The following OR6P1 variants were observed in gnomAD, a reference collection of about 807,000 sequenced individuals.
OR6P1 encodes the protein olfactory receptor 6P1.
A neutral mutation model predicts 6.6 loss-of-function variants in OR6P1; 5 were observed. That is an observed-to-expected ratio of 0.76 (90% CI 0.40 to 1.60). OR6P1 has a LOEUF of 1.60. OR6P1 is among the 40% of genes most tolerant of loss of function. OR6P1 has a pLI of 0.02. For missense variants in OR6P1, 451 were observed against 383.0 expected, an observed-to-expected ratio of 1.18 and a Z score of -1.48; for synonymous variants, 177 against 149.6, an observed-to-expected ratio of 1.18 and a Z score of -1.33.
intron 2 of OR6P1, 53 bp from the exon 3 acceptor site, chr1:158,563,679 C>A: frequency 2.3e-6 from 2 of 859,990 alleles, no homozygotes; most frequent in Non-Finnish European, 3.7e-6. Context: ...TGCAACAAAC[C>A]ACCAACATAC....
chr1:158,563,648 A>G, intron 2 of OR6P1, 22 bp from the exon 3 acceptor site: 1 of 1,301,838 alleles, frequency 7.7e-7, no homozygotes, highest in Non-Finnish European at 1.1e-6. Flanking sequence ...CACAGGAAGA[A>G]CAAGAGGTTT....
At position 158,562,270 on chromosome 1, in the gene OR6P1, C is replaced by CTT. The variant is rs1647971032; in HGVS notation, c.*379_*380dup. 6.1e-6 allele frequency: 1 copy of CTT among 163,754 alleles called. No homozygotes were observed. The highest frequency in any genetic ancestry group is 1.3e-5 in the Non-Finnish European group (1 of 76,610). 10.1% of individuals were successfully genotyped at this position (163,754 alleles called of 1,614,324 possible). On this transcript the variant is annotated 3_prime_UTR_variant, in exon 3 of 3. Coordinates refer to ENST00000641540, the MANE Select transcript of OR6P1 (RefSeq NM_001160325.2). ...TGTTTTCTCATATTATATTTTCTCA[C>CTT]TTACGAAATAATGGGCTTGGTCTAG... is the stretch of plus-strand genomic sequence containing the variant.
intron 2 of OR6P1, among the ~76,000 whole-genome samples, chr1:158,564,180 A>G (rs965349616): frequency 4.6e-5 from 7 of 152,214 alleles, no homozygotes; most frequent in African/African-American, 1.4e-4. Flanking sequence ...GAGATAATGA[A>G]GTTCTGCTCC....
Position 158,567,324 on chromosome 1 carries a change from G to T in OR6P1, c.-117-466C>A, listed in dbSNP as rs1452905223. On this transcript the variant is annotated intron_variant, in intron 1 of 2. Coordinates refer to ENST00000641540, the MANE Select transcript of OR6P1 (RefSeq NM_001160325.2). ...TACCCAAAGGACTATAAATCATGCT[G>T]CTATAAAGACACATGCACACGTGTG... is the stretch of plus-strand genomic sequence containing the variant. Among the ~76,000 whole-genome samples, 15 of 151,740 alleles carry T rather than the reference G, an allele frequency of 9.9e-5. No individual in the cohort carries two copies. The East Asian group carries it at 2.9e-3, about 29-fold the overall frequency.
chr1:158,563,450 G>T lies in OR6P1; in HGVS notation c.155C>A (p.Ala52Asp), dbSNP rs1648015348. 3.9e-6 allele frequency: 6 copies of T among 1,551,228 alleles called. No homozygotes were observed. Among genetic ancestry groups the T allele is most frequent in the Non-Finnish European group, 5.2e-6 (6 of 1,146,736 alleles). ...NALIVFTIWLAPSLHRPMYFF... is the reference protein window; with the variant it reads ...NALIVFTIWLDPSLHRPMYFF... ...GTACATGGGACGATGAAGGCTTGGA[G>T]CAAGCCATATTGTGAAGACAATAAG... is the stretch of plus-strand genomic sequence containing the variant. The change falls in exon 3 of 3, where the codon GCT becomes GAT. Residue 52 changes from alanine (A) to aspartate (D), a missense_variant. Ala to Asp is a moderately radical substitution (Grantham distance 126). Coordinates refer to ENST00000641540, the MANE Select transcript of OR6P1 (RefSeq NM_001160325.2).
At chr1:158,569,879 C>T (rs1043122187) in intron 1 of OR6P1, among the ~76,000 whole-genome samples, 5 of 152,058 alleles carry the variant, frequency 3.3e-5, no homozygotes, top group African/African-American at 1.2e-4. Flanking sequence ...AGTAAATGTC[C>T]ATGGTTATAG....
rs769823573 is a variant in OR6P1 at position 158,562,653 on chromosome 1, A to T, written c.952T>A (p.Ter318ArgextTer29). The stretch of plus-strand genomic sequence containing the variant: ...CCTCTCCCAAGACCTGTTGTATATC[A>T]GTCCTGAACATCCCTAGGATAGTGA... ...RCHYPRDVQD[*>R] is the part of the protein sequence containing the mutation. Residue 318 changes from the stop codon to arginine (R), a stop_lost, in exon 3 of 3, where the codon TGA (stop) becomes AGA (arginine). Transcript: ENST00000641540. 6.5e-7 allele frequency: 1 copy of T among 1,536,372 alleles called. No individual in the cohort carries two copies. The highest frequency in any genetic ancestry group is 1.4e-5 in the African/African-American group (1 of 72,744).
At chr1:158,569,096 C>T (rs551878079) in intron 1 of OR6P1, among the ~76,000 whole-genome samples, 1 of 152,306 alleles carries the variant, frequency 6.6e-6, no homozygotes, top group African/African-American at 2.4e-5. Flanking sequence ...TCTGCTGCCA[C>T]TGCTGGTAAT....
Position 158,562,637 on chromosome 1 carries a change from A to C in OR6P1, c.*14T>G. ...GATTCTGCTATTTTCACCTCTCCCA[A>C]GACCTGTTGTATATCAGTCCTGAAC... is the stretch of plus-strand genomic sequence containing the variant. On this transcript the variant is annotated 3_prime_UTR_variant, in exon 3 of 3. Coordinates refer to ENST00000641540, the MANE Select transcript of OR6P1 (RefSeq NM_001160325.2). The C allele has an allele frequency of 1.4e-6, 2 of 1,475,226 alleles. No homozygotes were observed. The highest frequency in any genetic ancestry group is 1.9e-6 in the Non-Finnish European group (2 of 1,076,784). 91.4% of individuals were successfully genotyped at this position (1,475,226 alleles called of 1,614,324 possible).
intron 1 of OR6P1, among the ~76,000 whole-genome samples, chr1:158,567,408 T>C: frequency 6.7e-6 from 1 of 148,318 alleles, no homozygotes; most frequent in Non-Finnish European, 1.5e-5. Flanking sequence ...TGTCCAACAA[T>C]GATAGACTGG....
Position 158,563,654 on chromosome 1 carries a change from G to A in OR6P1, c.-22-28C>T, listed in dbSNP as rs114756727. 1.2e-3 allele frequency: 1,470 copies of A among 1,235,612 alleles called. 22 individuals carry two copies. In the African/African-American group the frequency reaches 0.02, roughly 17 times the overall value. 76.5% of individuals were successfully genotyped at this position (1,235,612 alleles called of 1,614,324 possible). A position where few individuals can be genotyped will look rare whatever the true frequency, so the allele number is the denominator to read the frequency against. ...AAAATAAATCACAGGAAGAACAAGAGGTTTGAAAGATAGCTGCAACAAACC... is the reference window on the plus strand; with the variant it reads ...AAAATAAATCACAGGAAGAACAAGAAGTTTGAAAGATAGCTGCAACAAACC... On this transcript the variant is annotated intron_variant, in intron 2 of 2. Coordinates refer to ENST00000641540, the MANE Select transcript of OR6P1 (RefSeq NM_001160325.2).
At position 158,565,985 on chromosome 1, in the gene OR6P1, G is replaced by A. The variant is rs1468850438; in HGVS notation, c.-23+779C>T. ...AGCTTCTATTTCAATTGCATTGAAA[G>A]AAATAGATTGCAAACCACTGACCTG... is the stretch of plus-strand genomic sequence containing the variant. On this transcript the variant is annotated intron_variant, in intron 2 of 2. Transcript: ENST00000641540. Among the ~76,000 whole-genome samples the A allele has an allele frequency of 2.6e-5, 4 of 152,106 alleles. No individual in the cohort carries two copies. In the East Asian group the frequency reaches 5.8e-4, roughly 22 times the overall value.
rs569496305 is a variant in OR6P1 at position 158,561,367 on chromosome 1, T to A, written c.*1284A>T. 1.1e-4 allele frequency: 16 copies of A among 152,338 alleles called. No homozygotes were observed. Among genetic ancestry groups the A allele is most frequent in the African/African-American group, 3.8e-4 (16 of 41,574 alleles). The allele number at this position is 152,338 out of a possible 1,614,324, so 9.4% of individuals were successfully genotyped here. Reference sequence around the variant, plus strand: ...CTGTTTTAAGTATCAGATCTTTTATTGTTATTTTGTTTTTAATACTGGAAA... The same window carrying A: ...CTGTTTTAAGTATCAGATCTTTTATAGTTATTTTGTTTTTAATACTGGAAA... On this transcript the variant is annotated 3_prime_UTR_variant, in exon 3 of 3. Coordinates refer to ENST00000641540, the MANE Select transcript of OR6P1 (RefSeq NM_001160325.2).
At position 158,562,091 on chromosome 1, in the gene OR6P1, G is replaced by A. The variant is rs986089454; in HGVS notation, c.*560C>T. 6.5e-6 allele frequency: 1 copy of A among 153,250 alleles called. No individual in the cohort carries two copies. Among genetic ancestry groups the A allele is most frequent in the African/African-American group, 2.4e-5 (1 of 41,452 alleles). The allele number at this position is 153,250 out of a possible 1,614,324, so 9.5% of individuals were successfully genotyped here. A position where few individuals can be genotyped will look rare whatever the true frequency, so the allele number is the denominator to read the frequency against. On this transcript the variant is annotated 3_prime_UTR_variant, in exon 3 of 3. Transcript: ENST00000641540. ...CTGCTTTGACTTTCAGTGAATATGA[G>A]TTTTGTAGATAAGATGATATGAAAT...
At chr1:158,567,723 G>A (rs532868491) in intron 1 of OR6P1, among the ~76,000 whole-genome samples, 16 of 147,584 alleles carry the variant, frequency 1.1e-4, no homozygotes, top group African/African-American at 3.5e-4. Context: ...CAGCGCACCA[G>A]CATGGCACAT....
In OR6P1 at chr1:158,562,401, A is replaced by T. The variant is rs565360569; in HGVS notation, c.*250T>A. 2.3e-5 allele frequency: 11 copies of T among 468,540 alleles called. No homozygotes were observed. Among genetic ancestry groups the T allele is most frequent in the African/African-American group, 2.2e-4 (11 of 50,700 alleles). The allele number at this position is 468,540 out of a possible 1,614,324, so 29.0% of individuals were successfully genotyped here. ...ACATACTCAGTAAGACTCTCCACATATTTTTTTGGGGGAATCTGTATTTTA... is the reference window on the plus strand; with the variant it reads ...ACATACTCAGTAAGACTCTCCACATTTTTTTTTGGGGGAATCTGTATTTTA... On this transcript the variant is annotated 3_prime_UTR_variant, in exon 3 of 3. Coordinates refer to ENST00000641540, the MANE Select transcript of OR6P1 (RefSeq NM_001160325.2).
chr1:158,562,811 A>C lies in OR6P1; in HGVS notation c.794T>G (p.Met265Arg). 1 of 1,552,232 alleles carries C rather than the reference A, an allele frequency of 6.4e-7. No individual in the cohort carries two copies. Among genetic ancestry groups the C allele is most frequent in the Non-Finnish European group, 8.7e-7 (1 of 1,147,180 alleles). The change falls in exon 3 of 3, where the codon ATG becomes AGG. Residue 265 changes from methionine to arginine, a missense_variant. Physicochemically the swap from Met to Arg is moderately conservative, Grantham distance 91 (BLOSUM62 -1). Transcript: ENST00000641540. ...AATCTTGTTGTGGTTGAAGGTGTAC[A>C]TGGCCCGGGGCCGTGCATAGGTGAA... ...TLFTYARPRAMYTFNHNKIIS... is the reference protein window; with the variant it reads ...TLFTYARPRARYTFNHNKIIS...
intron 2 of OR6P1, 91 bp downstream of exon 2, chr1:158,566,673 T>C (rs1648103338): frequency 6.6e-6 from 1 of 152,210 alleles, no homozygotes; most frequent in Admixed American, 6.5e-5. Context: ...ATTGATATTA[T>C]ACTTTGAAAA....
In OR6P1 at chr1:158,570,521, C is replaced by T. The variant is rs900137163; in HGVS notation, c.-197G>A. The T allele has an allele frequency of 6.6e-6, 1 of 152,140 alleles. No homozygotes were observed. Among genetic ancestry groups the T allele is most frequent in the Non-Finnish European group, 1.5e-5 (1 of 68,036 alleles). 9.4% of individuals were successfully genotyped at this position (152,140 alleles called of 1,614,324 possible). A position where few individuals can be genotyped will look rare whatever the true frequency, so the allele number is the denominator to read the frequency against. ...CTTCCACATTCACACATATACCCTGCCTTTTGATATTTGTCAATAGGCTGA... is the reference window on the plus strand; with the variant it reads ...CTTCCACATTCACACATATACCCTGTCTTTTGATATTTGTCAATAGGCTGA... On this transcript the variant is annotated 5_prime_UTR_variant, in exon 1 of 3. Coordinates refer to ENST00000641540, the MANE Select transcript of OR6P1 (RefSeq NM_001160325.2).
Sources: gnomAD v4.1 joint callset for allele counts (sites outside exome capture counted in the v4.1 genomes callset) on GRCh38, gnomAD v4.1.1 for gene constraint, MANE v1.5 for transcripts, NCBI Gene and HGNC (gene_info 2026-07-23, HGNC 2026-07-21) for gene names.